The following MPP4 variants were observed in gnomAD, a reference collection of about 807,000 sequenced individuals.
The protein encoded by MPP4 is MAGUK p55 subfamily member 4.
In MPP4, 91 loss-of-function variants were observed where a neutral mutation model predicts 98.3. That is an observed-to-expected ratio of 0.93 (90% CI 0.78 to 1.10). The LOEUF is 1.10. Ranked by LOEUF, MPP4 falls within the 50% of genes least tolerant of loss-of-function variation. The pLI, the probability that MPP4 is intolerant of heterozygous loss-of-function variation, is 0.00. For missense variants in MPP4, 744 were observed against 792.9 expected (o/e 0.94, Z 0.74); for synonymous variants, 261 against 271.8 (o/e 0.96, Z 0.39).
intron 8 of MPP4, 126 bp downstream of exon 8, chr2:201,682,705 G>T: frequency 1.4e-6 from 1 of 723,796 alleles, no homozygotes; most frequent in Non-Finnish European, 2.3e-6. Context: ...GGAGCCTGGA[G>T]GGAGAAAGCT....
At chr2:201,677,170 T>G (rs544307645) in intron 10 of MPP4, among the ~76,000 whole-genome samples, 10 of 152,176 alleles carry the variant, frequency 6.6e-5, no homozygotes, top group Non-Finnish European at 1.5e-4. Context: ...GTGTCTCTCA[T>G]TCTCTATCAG....
intron 9 of MPP4, 108 bp downstream of exon 9, chr2:201,681,387 GA>G: frequency 1.0e-6 from 1 of 959,120 alleles, no homozygotes; most frequent in Non-Finnish European, 1.6e-6. Context: ...ACACAGTCTT[GA>G]ATCCAGGTCC....
At chr2:201,666,508 A>C in intron 12 of MPP4, 136 bp from the exon 13 acceptor site, 1 of 594,634 alleles carries the variant, frequency 1.7e-6, no homozygotes, top group Non-Finnish European at 2.8e-6. Flanking sequence ...ATCACCTGAG[A>C]TCAAGAGTTC....
intron 14 of MPP4, chr2:201,661,536 T>A (rs1438516079): frequency 2.2e-6 from 1 of 456,150 alleles, no homozygotes; most frequent in Non-Finnish European, 4.4e-6. Flanking sequence ...ACAAGGGGCG[T>A]TTTACAGTAG....
intron 5 of MPP4, 54 bp from the exon 6 acceptor site, chr2:201,686,104 C>T (rs555127053): frequency 1.9e-6 from 3 of 1,589,766 alleles, no homozygotes; most frequent in African/African-American, 1.3e-5. Context: ...CCAAACCCCT[C>T]TAGAAGATAG....
intron 11 of MPP4, chr2:201,673,570 TA>T: frequency 1.2e-5 from 2 of 170,926 alleles, no homozygotes; most frequent in Non-Finnish European, 1.2e-5. Flanking sequence ...ACAGTATAAT[TA>T]AAAAAGAAAA....
intron 10 of MPP4, among the ~76,000 whole-genome samples, chr2:201,679,539 T>C (rs1688611109): frequency 6.6e-6 from 1 of 152,124 alleles, no homozygotes; most frequent in Non-Finnish European, 1.5e-5. Flanking sequence ...CTGTGCCCCA[T>C]ACTCCATCTT....
Position 201,650,112 on chromosome 2 carries a change from CAT to C in MPP4, c.1433_1434del (p.Tyr478CysfsTer7). 1 of 1,581,158 alleles carries C rather than the reference CAT, an allele frequency of 6.3e-7. No homozygotes were observed. Among genetic ancestry groups the C allele is most frequent in the Non-Finnish European group, 8.6e-7 (1 of 1,161,506 alleles). On this transcript the variant is annotated frameshift_variant, in exon 19 of 22. Coordinates refer to ENST00000409474, the MANE Select transcript of MPP4 (RefSeq NM_033066.3). LOFTEE classifies it high-confidence loss of function. ...AGGTTTTCAAATGTTTCCTTGGACA[CAT>C]AGTGATACTCACGCCCATTCATTTC... ...SYEMNGREYH[Y>X]VSKETFENLI...
chr2:201,677,052 T>C lies in MPP4; in HGVS notation c.930-1781A>G, dbSNP rs571444116. Among the ~76,000 whole-genome samples the C allele has an allele frequency of 1.7e-4, 26 of 152,376 alleles. No individual in the cohort carries two copies. In the South Asian group the frequency reaches 5.4e-3, roughly 32 times the overall value. On this transcript the variant is annotated intron_variant, in intron 10 of 21. Transcript: ENST00000409474. ...AGATTCTTGATTCCTAGTTAGGTGA[T>C]GAGCTCTGTAAATATCTGTGTTTCC...
chr2:201,680,551 A>G, intron 10 of MPP4: 1 of 317,906 alleles, frequency 3.1e-6, no homozygotes, highest in South Asian at 5.4e-5. Flanking sequence ...TCAACATATG[A>G]ATTTTGGAGA....
intron 13 of MPP4, among the ~76,000 whole-genome samples, chr2:201,664,611 C>T (rs942691501): frequency 6.6e-6 from 1 of 152,058 alleles, no homozygotes; most frequent in Non-Finnish European, 1.5e-5. Context: ...AACCAACTTC[C>T]GCATTAGTTA....
chr2:201,676,718 A>G (rs1199343247), intron 10 of MPP4, among the ~76,000 whole-genome samples: 2 of 152,088 alleles, frequency 1.3e-5, no homozygotes, highest in Non-Finnish European at 2.9e-5. Flanking sequence ...TGGCCAACAC[A>G]GTGAAACCCC....
At chr2:201,653,651 G>C (rs4673204) in intron 18 of MPP4, among the ~76,000 whole-genome samples, 98,386 of 151,986 alleles carry the variant, frequency 0.65, 32,214 homozygotes, top group African/African-American at 0.74. Context: ...TTTCTATTTT[G>C]TTGAAATCAG....
At chr2:201,660,723 C>G (rs1688000987) in intron 14 of MPP4, among the ~76,000 whole-genome samples, 1 of 152,074 alleles carries the variant, frequency 6.6e-6, no homozygotes, top group Non-Finnish European at 1.5e-5. Flanking sequence ...TGCAGCAGCT[C>G]TGTGAAGGGG....
chr2:201,694,137 C>A, intron 1 of MPP4, 83 bp from the exon 2 acceptor site: 1 of 1,352,712 alleles, frequency 7.4e-7, no homozygotes, highest in Non-Finnish European at 9.9e-7. Flanking sequence ...GAAACACAGT[C>A]TTCCCCTGTG....
intron 6 of MPP4, among the ~76,000 whole-genome samples, 181 bp from the exon 7 acceptor site, chr2:201,685,326 A>C (rs940113834): frequency 6.6e-6 from 1 of 151,280 alleles, no homozygotes; most frequent in South Asian, 2.1e-4. Context: ...CTGGTTTTTC[A>C]AACAAGGCTA....
At chr2:201,685,770 C>G (rs1280050180) in intron 6 of MPP4, 149 bp downstream of exon 6, 19 of 793,332 alleles carry the variant, frequency 2.4e-5, no homozygotes, top group Non-Finnish European at 3.3e-5. Context: ...TTTGAAACCA[C>G]AGGCAAAACT....
intron 1 of MPP4, 119 bp from the exon 2 acceptor site, chr2:201,694,173 G>A: frequency 1.1e-6 from 1 of 945,388 alleles, no homozygotes. Context: ...CATCACCAGT[G>A]GCGTGAAAGA....
intron 2 of MPP4, among the ~76,000 whole-genome samples, chr2:201,693,408 C>T (rs1024545436): frequency 6.6e-6 from 1 of 152,116 alleles, no homozygotes; most frequent in African/African-American, 2.4e-5. Flanking sequence ...TGTTCTGTAT[C>T]CTCTTTCTCT....
Sources: allele counts gnomAD v4.1 joint callset (sites outside exome capture counted in the v4.1 genomes callset), GRCh38; gene constraint gnomAD v4.1.1; transcripts MANE v1.5; gene names NCBI Gene and HGNC (gene_info 2026-07-23, HGNC 2026-07-21).